The following CLNS1A variants were observed in gnomAD, a reference collection of about 807,000 sequenced individuals.
CLNS1A encodes methylosome subunit pICln.
In CLNS1A, 16 loss-of-function variants were observed where a neutral mutation model predicts 29.4. That is an observed-to-expected ratio of 0.54 (90% CI 0.37 to 0.83). The LOEUF is 0.83. Among genes scored for constraint, CLNS1A ranks in the 40% least tolerant of loss-of-function variants. The pLI is 0.00. For missense variants in CLNS1A, 235 were observed against 287.4 expected, an observed-to-expected ratio of 0.82 and a Z score of 1.32; for synonymous variants, 96 against 104.8, an observed-to-expected ratio of 0.92 and a Z score of 0.51.
chr11:77,627,446 A>G (rs558016022), intron 2 of CLNS1A, among the ~76,000 whole-genome samples: 191 of 151,996 alleles, frequency 1.3e-3, no homozygotes, highest in African/African-American at 4.3e-3. Flanking sequence ...TCAAAAAAAA[A>G]GAAAAAAAAA....
In CLNS1A at chr11:77,637,586, C is replaced by G; in HGVS notation, c.125+4G>C. ...AGGCCAGCGCTGGGGACCAGGAACC[C>G]TACCTCTCAGCGATGTAAAGGGTAC... On this transcript the variant is annotated splice_donor_region_variant and intron_variant, in intron 1 of 6. Transcript: ENST00000525428. 2.5e-6 allele frequency: 4 copies of G among 1,601,566 alleles called. No homozygotes were observed. Among genetic ancestry groups the G allele is most frequent in the Non-Finnish European group, 3.4e-6 (4 of 1,174,550 alleles).
At chr11:77,636,726 T>C (rs1194989322) in intron 1 of CLNS1A, among the ~76,000 whole-genome samples, 1 of 152,200 alleles carries the variant, frequency 6.6e-6, no homozygotes, top group Non-Finnish European at 1.5e-5. Flanking sequence ...AGTAATCACA[T>C]GAGCTCTTAA....
intron 2 of CLNS1A, among the ~76,000 whole-genome samples, chr11:77,626,475 C>A (rs984548493): frequency 1.1e-4 from 17 of 152,018 alleles, no homozygotes; most frequent in African/African-American, 4.1e-4. Flanking sequence ...CCCGTCTCTA[C>A]TAAAAATACA....
chr11:77,631,954 T>C (rs1484341397), intron 1 of CLNS1A, among the ~76,000 whole-genome samples: 1 of 151,958 alleles, frequency 6.6e-6, no homozygotes, highest in African/African-American at 2.4e-5. Context: ...GCCAGGCTGG[T>C]CTCAAACTCC....
At chr11:77,635,197 T>C (rs1438722508) in intron 1 of CLNS1A, among the ~76,000 whole-genome samples, 2 of 152,196 alleles carry the variant, frequency 1.3e-5, no homozygotes, top group Non-Finnish European at 2.9e-5. Context: ...AATGTCCCTG[T>C]TCTTCTGAAC....
At chr11:77,617,660 C>T (rs1457274441) in intron 6 of CLNS1A, among the ~76,000 whole-genome samples, 4 of 151,954 alleles carry the variant, frequency 2.6e-5, no homozygotes, top group African/African-American at 9.7e-5. Flanking sequence ...TGGCTCATGC[C>T]TGTAATCCCA....
At chr11:77,619,519 G>T in intron 6 of CLNS1A, 87 bp downstream of exon 6, 1 of 893,116 alleles carries the variant, frequency 1.1e-6, no homozygotes. Context: ...GTAAGACCCT[G>T]TCTCAAGAAA....
At chr11:77,624,041 T>C (rs1024992498) in intron 4 of CLNS1A, among the ~76,000 whole-genome samples, 10 of 152,204 alleles carry the variant, frequency 6.6e-5, no homozygotes, top group Non-Finnish European at 1.3e-4. Context: ...GGCCAGAGGA[T>C]TGCTTGGGCC....
At chr11:77,622,008 T>C in intron 5 of CLNS1A, 1 of 456,274 alleles carries the variant, frequency 2.2e-6, no homozygotes, top group Non-Finnish European at 4.4e-6. Flanking sequence ...GCCAATTTCT[T>C]AAAATCTCTC....
Position 77,629,779 on chromosome 11 carries a change from C to T in CLNS1A, c.246G>A (p.Val82=). 6.2e-7 allele frequency: 1 copy of T among 1,612,750 alleles called. No individual in the cohort carries two copies. The highest frequency in any genetic ancestry group is 8.5e-7 in the Non-Finnish European group (1 of 1,179,864). The change falls in exon 2 of 7, where the codon GTG becomes GTA. Residue 82 remains valine (V), a synonymous_variant. Coordinates refer to ENST00000525428, the MANE Select transcript of CLNS1A (RefSeq NM_001293.3). ...CATACATACCTTCAAATTTGGCATTCACCATAACATACAAATGCTCTCCTA... is the reference window on the plus strand; with the variant it reads ...CATACATACCTTCAAATTTGGCATTTACCATAACATACAAATGCTCTCCTA... The part of the protein sequence containing the change: ...DCLGEHLYVM[V]NAKFEEESKE...
chr11:77,621,249 C>T (rs1472472698), intron 5 of CLNS1A, among the ~76,000 whole-genome samples: 1 of 151,620 alleles, frequency 6.6e-6, no homozygotes, highest in Non-Finnish European at 1.5e-5. Flanking sequence ...GCCGAGGTCA[C>T]GTTATTGTAC....
At chr11:77,634,372 T>C (rs996535485) in intron 1 of CLNS1A, among the ~76,000 whole-genome samples, 1 of 152,182 alleles carries the variant, frequency 6.6e-6, no homozygotes, top group Non-Finnish European at 1.5e-5. Context: ...ACTGTATATA[T>C]ATGTACACAG....
At chr11:77,627,999 T>C (rs112347048) in intron 2 of CLNS1A, among the ~76,000 whole-genome samples, 1 of 152,120 alleles carries the variant, frequency 6.6e-6, no homozygotes, top group Non-Finnish European at 1.5e-5. Context: ...CTAATTTTTG[T>C]ATTTTTAGTA....
chr11:77,619,788 C>A, intron 5 of CLNS1A, 93 bp from the exon 6 acceptor site: 1 of 882,874 alleles, frequency 1.1e-6, no homozygotes, highest in Admixed American at 1.8e-5. Context: ...AGCTAGTGCC[C>A]TCTGCTGGTA....
At chr11:77,634,488 G>A (rs555629655) in intron 1 of CLNS1A, among the ~76,000 whole-genome samples, 1 of 152,224 alleles carries the variant, frequency 6.6e-6, no homozygotes, top group East Asian at 1.9e-4. Flanking sequence ...CACTTTGGGA[G>A]GCCAAGGTGG....
intron 1 of CLNS1A, among the ~76,000 whole-genome samples, chr11:77,630,244 T>TCC (rs1047086923): frequency 1.3e-5 from 2 of 152,200 alleles, no homozygotes; most frequent in Admixed American, 6.5e-5. Context: ...CCATGAGGCC[T>TCC]CCCTTCAACT....
chr11:77,635,344 T>G (rs1356097871), intron 1 of CLNS1A, among the ~76,000 whole-genome samples: 1 of 150,608 alleles, frequency 6.6e-6, no homozygotes, highest in African/African-American at 2.4e-5. Context: ...TTCTTTAGGT[T>G]TGAAATTTTT....
chr11:77,629,804 A>T lies in CLNS1A; in HGVS notation c.221T>A (p.Leu74Gln), dbSNP rs1329414612. The T allele has an allele frequency of 6.2e-7, 1 of 1,613,454 alleles. No individual in the cohort carries two copies. Among genetic ancestry groups the T allele is most frequent in the Admixed American group, 1.7e-5 (1 of 60,000 alleles). ...CACCATAACATACAAATGCTCTCCT[A>T]GACAGTCACTTCGGTCCCTGGATAA... ...HALSRDRSDC[L>Q]GEHLYVMVNA... Residue 74 changes from leucine (L) to glutamine (Q), a missense_variant, in exon 2 of 7, where the codon CTA (leucine) becomes CAA (glutamine). Transcript: ENST00000525428.
intron 4 of CLNS1A, among the ~76,000 whole-genome samples, chr11:77,624,456 T>A (rs1490459188): frequency 2.6e-5 from 4 of 152,134 alleles, no homozygotes; most frequent in Non-Finnish European, 5.9e-5. Context: ...CTCTATTTCT[T>A]ACACTCAAAA....
Sources: gnomAD v4.1 joint callset for allele counts (sites outside exome capture counted in the v4.1 genomes callset) on GRCh38, gnomAD v4.1.1 for gene constraint, MANE v1.5 for transcripts, NCBI Gene and HGNC (gene_info 2026-07-23, HGNC 2026-07-21) for gene names.